The following SYN3 variants were observed in gnomAD, a reference collection of about 807,000 sequenced individuals.
SYN3 encodes synapsin III, also known as synapsin-3.
Under a neutral mutation model 65.8 loss-of-function variants are expected in SYN3, and 35 were observed. That is an observed-to-expected ratio of 0.53 (90% CI 0.41 to 0.70). The LOEUF is 0.70. SYN3 is among the 30% of genes least tolerant of loss of function. The pLI, the probability that SYN3 is intolerant of heterozygous loss-of-function variation, is 0.00. For synonymous variants in SYN3, 270 were observed against 292.9 expected, an observed-to-expected ratio of 0.92 and a Z score of 0.80; for missense variants, 680 against 749.0, an observed-to-expected ratio of 0.91 and a Z score of 1.08.
At position 32,864,987 on chromosome 22, in the gene SYN3, C is replaced by T; in HGVS notation, c.639G>A (p.Lys213=). The T allele has an allele frequency of 1.2e-6, 2 of 1,614,020 alleles. No individual in the cohort carries two copies. Among genetic ancestry groups the T allele is most frequent in the Non-Finnish European group, 1.7e-6 (2 of 1,179,906 alleles). Residue 213 remains lysine, a synonymous_variant, in exon 6 of 14, where the codon AAG becomes AAA. Transcript: ENST00000358763. ...TCTCAGGACCCAGGGAATGGAAGAT[C>T]TTAATGAGCTGAGAGAACTAGGATA... ...SKPWVFSQLI[K]IFHSLGPEKF...
intron 7 of SYN3, among the ~76,000 whole-genome samples, chr22:32,565,000 C>T (rs2058648780): frequency 7.4e-6 from 1 of 134,292 alleles, no homozygotes; most frequent in Non-Finnish European, 1.6e-5. Flanking sequence ...AAACAGTGCT[C>T]CCGGACTGCA....
chr22:32,860,231 G>T (rs993022300), intron 6 of SYN3: 1 of 152,266 alleles, frequency 6.6e-6, no homozygotes, highest in Non-Finnish European at 1.5e-5. Flanking sequence ...CCTGGAAAAC[G>T]CTTTGGTAGA....
At chr22:32,848,577 T>C (rs1488346967) in intron 6 of SYN3, among the ~76,000 whole-genome samples, 7 of 152,196 alleles carry the variant, frequency 4.6e-5, no homozygotes, top group Non-Finnish European at 4.4e-5. Context: ...GGTTAGCCCA[T>C]TTCATTTTTG....
intron 12 of SYN3, chr22:32,519,714 G>T (rs796973073): frequency 6.6e-6 from 1 of 152,150 alleles, no homozygotes; most frequent in South Asian, 2.1e-4. Context: ...TCAAATTCTG[G>T]GTGTCAGGGC....
chr22:32,708,097 G>A (rs931291290), intron 6 of SYN3, among the ~76,000 whole-genome samples: 7 of 152,218 alleles, frequency 4.6e-5, no homozygotes, highest in Admixed American at 1.3e-4. Context: ...ATATGAATAA[G>A]AGCCAATTAC....
intron 6 of SYN3, among the ~76,000 whole-genome samples, chr22:32,739,206 G>A (rs58506709): frequency 0.021 from 3,139 of 151,670 alleles, 78 homozygotes; most frequent in African/African-American, 0.059. Context: ...TACTGTTCTC[G>A]TGATAGTAAA....
At chr22:32,834,783 A>C (rs1448075743) in intron 6 of SYN3, among the ~76,000 whole-genome samples, 1 of 152,218 alleles carries the variant, frequency 6.6e-6, no homozygotes, top group East Asian at 1.9e-4. Context: ...TATCTGGTAC[A>C]GGGTACCATC....
At position 32,556,802 on chromosome 22, in the gene SYN3, TGG is replaced by T. The variant is rs1491394664; in HGVS notation, c.775-15091_775-15090del. On this transcript the variant is annotated intron_variant, in intron 7 of 13. Coordinates refer to ENST00000358763, the MANE Select transcript of SYN3 (RefSeq NM_003490.4). ...CCAATGACCCAATCTATAGGTTTCC[TGG>T]TTTTTTTTTTTTTTTTTTTTTTTTT... Among the ~76,000 whole-genome samples the T allele has an allele frequency of 4.5e-3, 97 of 21,494 alleles. 16 individuals are homozygous for T. The highest frequency in any genetic ancestry group is 6.2e-3 in the African/African-American group (42 of 6,774). 14.1% of individuals were successfully genotyped at this position (21,494 alleles called of 152,430 possible).
At chr22:32,652,474 A>G (rs901123111) in intron 6 of SYN3, among the ~76,000 whole-genome samples, 4 of 149,166 alleles carry the variant, frequency 2.7e-5, no homozygotes, top group African/African-American at 9.8e-5. Flanking sequence ...TTTTGCTTTC[A>G]TCGTCTCAAC....
chr22:32,712,880 C>T (rs11703257), intron 6 of SYN3, among the ~76,000 whole-genome samples: 2,830 of 152,246 alleles, frequency 0.019, 27 homozygotes, highest in East Asian at 0.03. Context: ...CTGTGACCTT[C>T]ATACCAAAGC....
chr22:32,753,532 C>A (rs1431624755), intron 6 of SYN3, among the ~76,000 whole-genome samples: 1 of 152,032 alleles, frequency 6.6e-6, no homozygotes, highest in Admixed American at 6.5e-5. Flanking sequence ...GGCTTCTTAG[C>A]CCACCAGAGA....
intron 6 of SYN3, among the ~76,000 whole-genome samples, chr22:32,838,258 G>T (rs60028774): frequency 1.8e-4 from 27 of 149,460 alleles, no homozygotes; most frequent in African/African-American, 4.4e-4. Flanking sequence ...AGGAGAAGGA[G>T]GGGGGGTGGC....
intron 6 of SYN3, among the ~76,000 whole-genome samples, chr22:32,597,898 C>A (rs914711171): frequency 2.6e-5 from 4 of 152,184 alleles, no homozygotes; most frequent in African/African-American, 7.2e-5. Context: ...TATACTTCCC[C>A]ACACACACCA....
chr22:32,800,915 C>T (rs1374341583), intron 6 of SYN3, among the ~76,000 whole-genome samples: 3 of 152,192 alleles, frequency 2.0e-5, no homozygotes, highest in Admixed American at 6.5e-5. Flanking sequence ...AGAGCAGGCC[C>T]TCCCCAGTCA....
At chr22:32,544,218 T>C (rs2058303046) in intron 7 of SYN3, among the ~76,000 whole-genome samples, 1 of 152,210 alleles carries the variant, frequency 6.6e-6, no homozygotes, top group South Asian at 2.1e-4. Flanking sequence ...GATTACACAC[T>C]CGAGCCACTG....
intron 6 of SYN3, among the ~76,000 whole-genome samples, chr22:32,658,542 G>A (rs1284075510): frequency 6.6e-6 from 1 of 152,178 alleles, no homozygotes; most frequent in African/African-American, 2.4e-5. Flanking sequence ...CTCATTGAAG[G>A]CTTTGCAATT....
chr22:32,796,165 C>T (rs957254615), intron 6 of SYN3, among the ~76,000 whole-genome samples: 4 of 152,134 alleles, frequency 2.6e-5, no homozygotes, highest in African/African-American at 9.7e-5. Context: ...TTCATAGTAC[C>T]CTTCACAGAA....
chr22:32,960,919 ACAGGAACTG>A (rs1169983674), intron 3 of SYN3, among the ~76,000 whole-genome samples: 1 of 152,226 alleles, frequency 6.6e-6, no homozygotes, highest in African/African-American at 2.4e-5. Context: ...GAGGCTGCTA[ACAGGAACTG>A]CAGGAGAGAG....
intron 7 of SYN3, among the ~76,000 whole-genome samples, chr22:32,586,107 T>G (rs2059036831): frequency 6.7e-6 from 1 of 150,340 alleles, no homozygotes. Flanking sequence ...TATGTATACA[T>G]GTATATGTAT....
Sources: allele counts gnomAD v4.1 joint callset (sites outside exome capture counted in the v4.1 genomes callset), GRCh38; gene constraint gnomAD v4.1.1; transcripts MANE v1.5; gene names NCBI Gene and HGNC (gene_info 2026-07-23, HGNC 2026-07-21).